SDR42E2: variants seen among roughly 807,000 people sequenced by gnomAD.
SDR42E2 encodes short chain dehydrogenase/reductase family 42E, member 2.
SDR42E2 carries 20 observed loss-of-function variants against 10.5 expected under a neutral mutation model. That is an observed-to-expected ratio of 1.90 (90% CI 1.34 to 2.77). The LOEUF is 2.77. SDR42E2 is among the 30% of genes most tolerant of loss of function. The pLI, the probability that SDR42E2 is intolerant of heterozygous loss-of-function variation, is 0.00. For missense variants in SDR42E2, 162 were observed against 104.2 expected (o/e 1.55, Z -2.42); for synonymous variants, 72 against 39.2 (o/e 1.84, Z -3.12).
intron 7 of SDR42E2, 147 bp from the exon 8 acceptor site, chr16:22,177,983 A>G (rs1240668718): frequency 1.7e-6 from 1 of 580,598 alleles, no homozygotes; most frequent in Non-Finnish European, 3.1e-6. Flanking sequence ...TGACTAAGAG[A>G]ATAATAAATT....
intron 5 of SDR42E2, 58 bp from the exon 6 acceptor site, chr16:22,170,775 C>G: frequency 1.4e-6 from 1 of 701,856 alleles, no homozygotes. Context: ...CCGTGTGTGT[C>G]TGTGTCTTTG....
rs1273096250 is a variant in SDR42E2 at position 22,181,605 on chromosome 16, G to C, written c.759G>C (p.Gln253His). The C allele has an allele frequency of 1.4e-6, 1 of 703,078 alleles. No homozygotes were observed. The highest frequency in any genetic ancestry group is 2.6e-6 in the Non-Finnish European group (1 of 385,022). The allele number at this position is 703,078 out of a possible 1,614,324, so 43.6% of individuals were successfully genotyped here. The change falls in exon 9 of 13, where the codon CAG becomes CAC. Residue 253 changes from glutamine (Q) to histidine (H), a missense_variant. Gln to His is a conservative substitution (Grantham distance 24). Coordinates refer to ENST00000602312, the MANE Select transcript of SDR42E2 (RefSeq NM_001394319.2). ...MNWVHVHNLV[Q>H]AHVLAAEALT... ...GGGTCCACGTACACAATCTGGTGCA[G>C]GCACACGTGCTGGCGGCCGAGGCCC... is the stretch of plus-strand genomic sequence containing the variant.
chr16:22,185,019 A>C (rs1231227722), intron 11 of SDR42E2, among the ~76,000 whole-genome samples: 2 of 152,002 alleles, frequency 1.3e-5, no homozygotes, highest in Non-Finnish European at 2.9e-5. Context: ...GGTCACCCTG[A>C]AGTTAGGGCT....
At position 22,166,026 on chromosome 16, in the gene SDR42E2, G is replaced by C. The variant is rs2046534384; in HGVS notation, c.56-224G>C. ...GGTCGGGACCTGGTCTAGGAGGTGG[G>C]TTGGGACCTGGTGTAGGAGCTGGGC... is the stretch of plus-strand genomic sequence containing the variant. On this transcript the variant is annotated intron_variant, in intron 2 of 12. Coordinates refer to ENST00000602312, the MANE Select transcript of SDR42E2 (RefSeq NM_001394319.2). 4.6e-5 allele frequency among the ~76,000 whole-genome samples: 7 copies of C among 151,954 alleles called. No homozygotes were observed. In the South Asian group the frequency reaches 1.5e-3, roughly 32 times the overall value.
Position 22,180,191 on chromosome 16 carries a change from C to G in SDR42E2, c.673-1328C>G, listed in dbSNP as rs1239850088. ...GCTTCCAGCCTAGCAGGATGGGAGC[C>G]CCTGGAAGGTTCTGAGCCGTGGAAC... On this transcript the variant is annotated intron_variant, in intron 8 of 12. Transcript: ENST00000602312. Among the ~76,000 whole-genome samples, 6 of 152,064 alleles carry G rather than the reference C, an allele frequency of 3.9e-5. No individual in the cohort carries two copies. The East Asian group carries it at 1.2e-3, about 29-fold the overall frequency.
At chr16:22,188,085 G>T (rs2046747725) in intron 12 of SDR42E2, among the ~76,000 whole-genome samples, 1 of 143,342 alleles carries the variant, frequency 7.0e-6, no homozygotes, top group Non-Finnish European at 1.5e-5. Context: ...GACAGCACAA[G>T]ACTCCATCTA....
chr16:22,174,925 C>T (rs2046632008), intron 7 of SDR42E2, among the ~76,000 whole-genome samples: 1 of 152,144 alleles, frequency 6.6e-6, no homozygotes, highest in African/African-American at 2.4e-5. Flanking sequence ...CCAATATCTG[C>T]CTTCCAGGAG....
chr16:22,190,981 C>T lies in SDR42E2; in HGVS notation c.*588C>T, dbSNP rs1407544996. 6.5e-6 allele frequency: 1 copy of T among 154,358 alleles called. No individual in the cohort carries two copies. The highest frequency in any genetic ancestry group is 1.4e-5 in the Non-Finnish European group (1 of 69,278). 9.6% of individuals were successfully genotyped at this position (154,358 alleles called of 1,614,324 possible). A position where few individuals can be genotyped will look rare whatever the true frequency, so the allele number is the denominator to read the frequency against. Reference sequence around the variant, plus strand: ...TTCATGTCATAGCCACGCCCCTTCCCGCCCTTCCATGTTTGGGCACGCCTT... The same window carrying T: ...TTCATGTCATAGCCACGCCCCTTCCTGCCCTTCCATGTTTGGGCACGCCTT... On this transcript the variant is annotated 3_prime_UTR_variant, in exon 13 of 13. Coordinates refer to ENST00000602312, the MANE Select transcript of SDR42E2 (RefSeq NM_001394319.2).
chr16:22,186,078 CCCAG>C (rs2046734581), intron 11 of SDR42E2, among the ~76,000 whole-genome samples: 1 of 152,116 alleles, frequency 6.6e-6, no homozygotes, highest in East Asian at 1.9e-4. Context: ...CCACATGCAG[CCCAG>C]TTTGAGAACT....
chr16:22,173,785 G>A (rs2046619810), intron 7 of SDR42E2, among the ~76,000 whole-genome samples: 1 of 151,662 alleles, frequency 6.6e-6, no homozygotes, highest in Non-Finnish European at 1.5e-5. Flanking sequence ...ACTTTGGGAG[G>A]CGGAGGTGGG....
intron 4 of SDR42E2, among the ~76,000 whole-genome samples, chr16:22,167,571 A>G (rs1310309178): frequency 6.6e-6 from 1 of 152,168 alleles, no homozygotes; most frequent in Non-Finnish European, 1.5e-5. Flanking sequence ...AAGTGAGGAT[A>G]TTACTATTGG....
At chr16:22,172,417 G>A in intron 7 of SDR42E2, 86 bp downstream of exon 7, 2 of 697,926 alleles carry the variant, frequency 2.9e-6, no homozygotes. Flanking sequence ...ATGCTAACAT[G>A]TGTCTGAGGC....
At chr16:22,171,329 C>T (rs781127362) in intron 6 of SDR42E2, among the ~76,000 whole-genome samples, 5 of 152,116 alleles carry the variant, frequency 3.3e-5, no homozygotes, top group East Asian at 1.9e-4. Context: ...CAACCTCTGC[C>T]TCCTGGGTTC....
intron 7 of SDR42E2, 115 bp from the exon 8 acceptor site, chr16:22,178,015 G>C (rs1446889059): frequency 3.4e-6 from 2 of 592,114 alleles, no homozygotes. Context: ...CCCCTGGGCC[G>C]GTCTTCCCCT....
At chr16:22,176,097 T>C (rs1265656979) in intron 7 of SDR42E2, among the ~76,000 whole-genome samples, 1 of 152,178 alleles carries the variant, frequency 6.6e-6, no homozygotes, top group African/African-American at 2.4e-5. Context: ...CTATTTATTG[T>C]GTATTTTCAA....
chr16:22,179,615 C>G (rs1222581716), intron 8 of SDR42E2, among the ~76,000 whole-genome samples: 2 of 152,022 alleles, frequency 1.3e-5, no homozygotes, highest in Non-Finnish European at 2.9e-5. Flanking sequence ...AGTTCGAGAC[C>G]AGCCTGGCCA....
At chr16:22,173,905 G>GTGTATATA (rs1242574129) in intron 7 of SDR42E2, among the ~76,000 whole-genome samples, 1 of 115,030 alleles carries the variant, frequency 8.7e-6, no homozygotes, top group African/African-American at 3.3e-5. Flanking sequence ...ATGTGTGTGT[G>GTGTATATA]TATATATATA....
chr16:22,189,898 C>T (rs1369932498), intron 12 of SDR42E2, among the ~76,000 whole-genome samples: 4 of 152,078 alleles, frequency 2.6e-5, no homozygotes, highest in African/African-American at 7.2e-5. Context: ...GCGAATTCAG[C>T]GGGGCTGGAG....
At position 22,170,884 on chromosome 16, in the gene SDR42E2, T is replaced by A; in HGVS notation, c.446T>A (p.Val149Asp). 1 of 703,008 alleles carries A rather than the reference T, an allele frequency of 1.4e-6. No individual in the cohort carries two copies. Among genetic ancestry groups the A allele is most frequent in the Non-Finnish European group, 2.6e-6 (1 of 385,002 alleles). The allele number at this position is 703,008 out of a possible 1,614,324, so 43.5% of individuals were successfully genotyped here. ...CTCATCTATACCAGCACTGTCAATG[T>A]TGCATTTGGAGGGAAGCCCATAGAG... is the stretch of plus-strand genomic sequence containing the variant. Reference protein sequence around the residue: ...PRLIYTSTVNVAFGGKPIEQG... With the variant: ...PRLIYTSTVNDAFGGKPIEQG... The change falls in exon 6 of 13, where the codon GTT becomes GAT. Residue 149 changes from valine to aspartate, a missense_variant. Val to Asp is a radical substitution (Grantham distance 152, BLOSUM62 -3). Transcript: ENST00000602312.
Sources: gnomAD v4.1 joint callset for allele counts (sites outside exome capture counted in the v4.1 genomes callset) on GRCh38, gnomAD v4.1.1 for gene constraint, MANE v1.5 for transcripts, NCBI Gene and HGNC (gene_info 2026-07-23, HGNC 2026-07-21) for gene names.